ASNS: variants seen among roughly 807,000 people sequenced by gnomAD.
ASNS encodes asparagine synthetase (glutamine-hydrolyzing).
ASNS carries 37 observed loss-of-function variants against 62.6 expected under a neutral mutation model. The observed-to-expected ratio is 0.59, with a 90% CI of 0.45 to 0.78. The LOEUF (loss-of-function observed/expected upper bound fraction) is 0.78, where lower values mean the gene tolerates loss of function less well. Among genes scored for constraint, ASNS ranks in the 30% least tolerant of loss-of-function variants. ASNS has a pLI of 0.00. For synonymous variants in ASNS, 207 were observed against 237.9 expected (o/e 0.87, Z 1.19); for missense variants, 520 against 682.4 (o/e 0.76, Z 2.65).
At chr7:97,856,389 C>T (rs1485117579) in intron 8 of ASNS, among the ~76,000 whole-genome samples, 1 of 152,070 alleles carries the variant, frequency 6.6e-6, no homozygotes, top group Admixed American at 6.5e-5. Context: ...TAGACTGTAG[C>T]CCAAGAAACT....
chr7:97,925,982 G>T, the ASNS span, among the ~76,000 whole-genome samples: 1 of 152,054 alleles, frequency 6.6e-6, no homozygotes, highest in Non-Finnish European at 1.5e-5. Context: ...AATGGGATGG[G>T]TGTTTATGGA....
the ASNS span, among the ~76,000 whole-genome samples, chr7:97,901,115 G>A: frequency 3.3e-5 from 5 of 152,202 alleles, no homozygotes; most frequent in African/African-American, 7.2e-5. Flanking sequence ...TGCAGGATGA[G>A]GCCGATCAAG....
chr7:97,901,086 T>C, the ASNS span, among the ~76,000 whole-genome samples: 1 of 152,364 alleles, frequency 6.6e-6, no homozygotes, highest in Admixed American at 6.5e-5. Context: ...AAAAAAGTGT[T>C]CTTCATTCTA....
the ASNS span, among the ~76,000 whole-genome samples, chr7:97,904,955 C>G: frequency 2.6e-5 from 4 of 152,050 alleles, no homozygotes; most frequent in African/African-American, 4.8e-5. Context: ...AAAACGGCCC[C>G]AAGAACAGAG....
chr7:97,864,497 C>T lies in ASNS; in HGVS notation c.250-1G>A, dbSNP rs746511283. The T allele has an allele frequency of 6.2e-7, 1 of 1,612,240 alleles. No individual in the cohort carries two copies. The highest frequency in any genetic ancestry group is 1.3e-5 in the African/African-American group (1 of 74,864). ...ATTCAAATTCAAAATGCTGTTGCAT[C>T]TTAGGAAGCGAAAGCAAAACCAAAA... is the stretch of plus-strand genomic sequence containing the variant. On this transcript the variant is annotated splice_acceptor_variant, in intron 3 of 12. Coordinates refer to ENST00000394308, the MANE Select transcript of ASNS (RefSeq NM_001673.5). LOFTEE classifies it high-confidence loss of function.
At chr7:97,874,746 A>G (rs1792403667), upstream of ASNS, among the ~76,000 whole-genome samples, 1 of 152,236 alleles carries the variant, frequency 6.6e-6, no homozygotes, top group South Asian at 2.1e-4. Context: ...AGATAAATAC[A>G]CGGATAGGCA....
the ASNS span, among the ~76,000 whole-genome samples, chr7:97,892,941 T>G: frequency 6.6e-6 from 1 of 152,250 alleles, no homozygotes; most frequent in Non-Finnish European, 1.5e-5. Context: ...AGGTATCTTT[T>G]AGCAACACCC....
chr7:97,898,681 G>C, the ASNS span: 1 of 659,688 alleles, frequency 1.5e-6, no homozygotes, highest in Middle Eastern at 3.0e-4. Flanking sequence ...GTATCTGATT[G>C]TTGTGTTTTT....
the ASNS span, among the ~76,000 whole-genome samples, chr7:97,883,502 C>T: frequency 6.6e-6 from 1 of 152,178 alleles, no homozygotes; most frequent in Non-Finnish European, 1.5e-5. Context: ...CAGCCACTCT[C>T]CTGACACCAC....
chr7:97,893,913 G>C, the ASNS span, among the ~76,000 whole-genome samples: 1 of 152,376 alleles, frequency 6.6e-6, no homozygotes, highest in Non-Finnish European at 1.5e-5. Context: ...TCCAGCAGCA[G>C]CAGAATATAC....
At chr7:97,911,690 A>AT in the ASNS span, among the ~76,000 whole-genome samples, 3 of 152,052 alleles carry the variant, frequency 2.0e-5, no homozygotes, top group Non-Finnish European at 2.9e-5. Context: ...CAAAAAAATG[A>AT]TTTTTTTGAG....
At chr7:97,893,959 T>C in the ASNS span, among the ~76,000 whole-genome samples, 1 of 152,296 alleles carries the variant, frequency 6.6e-6, no homozygotes, top group South Asian at 2.1e-4. Flanking sequence ...TTCTCCAGGA[T>C]AGACCATATG....
the ASNS span, chr7:97,898,997 T>A: frequency 4.1e-5 from 30 of 734,446 alleles, no homozygotes; most frequent in East Asian, 7.4e-4. Flanking sequence ...CCAATATTTC[T>A]TATATTGAAC....
chr7:97,909,233 GT>G, the ASNS span, among the ~76,000 whole-genome samples: 1 of 149,140 alleles, frequency 6.7e-6, no homozygotes, highest in East Asian at 2.0e-4. Context: ...TTGTTGTTCA[GT>G]AAATGAAGTA....
At chr7:97,896,694 A>C in the ASNS span, among the ~76,000 whole-genome samples, 1 of 114,128 alleles carries the variant, frequency 8.8e-6, no homozygotes, top group African/African-American at 3.1e-5. Flanking sequence ...ATATATATGT[A>C]TATATGTGTA....
rs758314913 is a variant in ASNS at position 97,864,411 on chromosome 7, T to A, written c.335A>T (p.Gln112Leu). 3 of 1,613,888 alleles carry A rather than the reference T, an allele frequency of 1.9e-6. No homozygotes were observed. In the African/African-American group the frequency reaches 4.0e-5, roughly 22 times the overall value. Residue 112 changes from glutamine (Q) to leucine (L), a missense_variant, in exon 4 of 13, where the codon CAA (glutamine) becomes CTA (leucine). Gln to Leu is a moderately radical substitution (Grantham distance 113). Coordinates refer to ENST00000394308, the MANE Select transcript of ASNS (RefSeq NM_001673.5). ...CACACCATCCAACATACAAATTGTT[T>A]GCTCAATTCCTCCTTTGTCATAAAG... ...LHLYDKGGIE[Q>L]TICMLDGVFA...
At chr7:97,905,272 CCTT>C in the ASNS span, among the ~76,000 whole-genome samples, 1 of 152,174 alleles carries the variant, frequency 6.6e-6, no homozygotes, top group Non-Finnish European at 1.5e-5. Context: ...CTTACAGTCA[CCTT>C]CTTCTTGTAA....
Position 97,859,374 on chromosome 7 carries a change from G to C in ASNS, c.512C>G (p.Ala171Gly). 6.2e-7 allele frequency: 1 copy of C among 1,612,508 alleles called. No individual in the cohort carries two copies. Among genetic ancestry groups the C allele is most frequent in the Non-Finnish European group, 8.5e-7 (1 of 1,179,138 alleles). The change falls in exon 5 of 13, where the codon GCG becomes GGG. Residue 171 changes from alanine to glycine, a missense_variant. Coordinates refer to ENST00000394308, the MANE Select transcript of ASNS (RefSeq NM_001673.5). ...AKGLVTLKHS[A>G]TPFLKVEPFL... ...AGGCTCCACTTTTAAAAAGGGAGTC[G>C]CGGAGTGCTTCAATGTAACAAGACC...
chr7:97,858,714 A>G (rs1010277519), intron 6 of ASNS, 140 bp downstream of exon 6: 6 of 879,528 alleles, frequency 6.8e-6, no homozygotes, highest in Non-Finnish European at 1.0e-5. Flanking sequence ...TACAGCTTAT[A>G]AAAAATCATT....
Sources: gnomAD v4.1 joint callset for allele counts (sites outside exome capture counted in the v4.1 genomes callset) on GRCh38, gnomAD v4.1.1 for gene constraint, MANE v1.5 for transcripts, NCBI Gene and HGNC (gene_info 2026-07-23, HGNC 2026-07-21) for gene names.